Variants in SBF1 observed in about 807,000 individuals in gnomAD.
SBF1 encodes myotubularin-related protein 5.
Under a neutral mutation model 215.8 loss-of-function variants are expected in SBF1, and 65 were observed. The observed-to-expected ratio is 0.30, with a 90% CI of 0.25 to 0.37. The LOEUF (loss-of-function observed/expected upper bound fraction) is 0.37. Ranked by LOEUF, SBF1 falls within the 10% of genes least tolerant of loss-of-function variation. The pLI, the probability that SBF1 is intolerant of heterozygous loss-of-function variation, is 1.00. For missense variants in SBF1, 2,634 were observed against 2,667.8 expected, an observed-to-expected ratio of 0.99 and a Z score of 0.28; for synonymous variants, 1,410 against 1,122.8, an observed-to-expected ratio of 1.26 and a Z score of -5.11.
chr22:50,466,986 C>T (rs2067791496), intron 5 of SBF1: 1 of 560,220 alleles, frequency 1.8e-6, no homozygotes, highest in Non-Finnish European at 3.2e-6. Flanking sequence ...ACCGCTCCTT[C>T]CTCAACAGAG....
rs781568455 is a variant in SBF1, at chr22:50,463,345, G to C, written c.1837C>G (p.Arg613Gly). The change falls in exon 16 of 41, where the codon CGT becomes GGT. Residue 613 changes from arginine (R) to glycine (G), a missense_variant. Physicochemically the swap from Arg to Gly is moderately radical, Grantham distance 125 (BLOSUM62 -2). Coordinates refer to ENST00000380817, the MANE Select transcript of SBF1 (RefSeq NM_002972.4). The stretch of plus-strand genomic sequence containing the variant: ...AACTGCTGGTGGTCCAGGACCGCAC[G>C]GTTCTGCTGCACATGCAGGTGCAGC... ...QELHLHVQQNRAVLDHQQFDF... is the reference protein window; with the variant it reads ...QELHLHVQQNGAVLDHQQFDF... 2 of 1,611,904 alleles carry C rather than the reference G, an allele frequency of 1.2e-6. No homozygotes were observed. The highest frequency in any genetic ancestry group is 4.5e-5 in the East Asian group (2 of 44,826).
intron 18 of SBF1, 24 bp from the exon 19 acceptor site, chr22:50,462,497 G>T: frequency 6.2e-7 from 1 of 1,612,308 alleles, no homozygotes; most frequent in Non-Finnish European, 8.5e-7. Context: ...ACACGCATGA[G>T]CCGGGGCCAC....
At chr22:50,451,900 G>A (rs1234121525) in intron 36 of SBF1, among the ~76,000 whole-genome samples, 3 of 151,322 alleles carry the variant, frequency 2.0e-5, no homozygotes, top group East Asian at 1.9e-4. Flanking sequence ...GGGTTGAAGC[G>A]ATTCTCCTGC....
Position 50,463,443 on chromosome 22 carries a change from G to T in SBF1, c.1750-11C>A, listed in dbSNP as rs780685125. ...CACGGCTGGGAGCAGCTGGGGGTGG[G>T]GAAAGGAGACACGGGCTGAGGGCAC... On this transcript the variant is annotated splice_polypyrimidine_tract_variant and intron_variant, in intron 15 of 40. Transcript: ENST00000380817. The T allele has an allele frequency of 6.4e-7, 1 of 1,558,602 alleles. No individual in the cohort carries two copies. Among genetic ancestry groups the T allele is most frequent in the South Asian group, 1.2e-5 (1 of 85,606 alleles).
In SBF1 at chr22:50,468,416, T is replaced by C. The variant is rs1244507506; in HGVS notation, c.101A>G (p.Lys34Arg). Reference sequence around the variant, plus strand: ...GGGGAATGGGTTGTCCTCCCAGTCCTTCTCTGGGAAGCGCTGCAGAATCTG... The same window carrying C: ...GGGGAATGGGTTGTCCTCCCAGTCCCTCTCTGGGAAGCGCTGCAGAATCTG... The part of the protein sequence containing the change: ...QGQILQRFPE[K>R]DWEDNPFPQG... The change falls in exon 2 of 41, where the codon AAG (lysine) becomes AGG (arginine). Residue 34 changes from lysine to arginine, a missense_variant. Coordinates refer to ENST00000380817, the MANE Select transcript of SBF1 (RefSeq NM_002972.4). 6 of 1,612,634 alleles carry C rather than the reference T, an allele frequency of 3.7e-6. No individual in the cohort carries two copies. Among genetic ancestry groups the C allele is most frequent in the Non-Finnish European group, 5.1e-6 (6 of 1,179,254 alleles).
chr22:50,456,679 AAGG>A lies in SBF1; in HGVS notation c.3905-9_3905-7del, dbSNP rs1367772660. On this transcript the variant is annotated splice_polypyrimidine_tract_variant and splice_region_variant and intron_variant, in intron 29 of 40. Transcript: ENST00000380817. Reference sequence around the variant, plus strand: ...CCGGACACTGCCCCACTTACCTGTGAAGGAGATGCCAGGTAAGCACCCAAAGGG... The same window carrying A: ...CCGGACACTGCCCCACTTACCTGTGAAGATGCCAGGTAAGCACCCAAAGGG... 16 of 1,465,868 alleles carry A rather than the reference AAGG, an allele frequency of 1.1e-5. No homozygotes were observed. The highest frequency in any genetic ancestry group is 1.4e-5 in the Non-Finnish European group (16 of 1,106,766). 90.8% of individuals were successfully genotyped at this position (1,465,868 alleles called of 1,614,324 possible).
chr22:50,463,502 G>A, intron 15 of SBF1, 70 bp from the exon 16 acceptor site: 1 of 1,461,256 alleles, frequency 6.8e-7, no homozygotes, highest in African/African-American at 1.4e-5. Flanking sequence ...GGCAGGGAGG[G>A]CAGCAGGTGT....
intron 1 of SBF1, among the ~76,000 whole-genome samples, chr22:50,474,312 G>GCCA (rs1569515198): frequency 1.3e-5 from 2 of 152,148 alleles, no homozygotes; most frequent in Non-Finnish European, 2.9e-5. Flanking sequence ...CAAGACCGCC[G>GCCA]GGGGCTTCAG....
chr22:50,453,601 CA>C (rs2067131466), intron 36 of SBF1, among the ~76,000 whole-genome samples: 1 of 152,170 alleles, frequency 6.6e-6, no homozygotes, highest in Non-Finnish European at 1.5e-5. Context: ...TCCTGGCTAA[CA>C]CGGTAAAACC....
At position 50,467,870 on chromosome 22, in the gene SBF1, G is replaced by A. The variant is rs9616851; in HGVS notation, c.195C>T (p.Phe65=). ...QLCPERNPPT[F]FVAVLTDINS... Reference sequence around the variant, plus strand: ...TGATGTCGGTGAGGACAGCAACAAAGAAGGTCGGTGGATTCCTCTCGGGAC... The same window carrying A: ...TGATGTCGGTGAGGACAGCAACAAAAAAGGTCGGTGGATTCCTCTCGGGAC... Residue 65 remains phenylalanine (F), a synonymous_variant, in exon 3 of 41, where the codon TTC becomes TTT. Transcript: ENST00000380817. 60 of 1,613,950 alleles carry A rather than the reference G, an allele frequency of 3.7e-5. No individual in the cohort carries two copies. The highest frequency in any genetic ancestry group is 4.7e-5 in the Non-Finnish European group (56 of 1,179,996).
chr22:50,453,989 G>A (rs1358009179), intron 36 of SBF1, among the ~76,000 whole-genome samples: 4 of 151,988 alleles, frequency 2.6e-5, no homozygotes, highest in Non-Finnish European at 4.4e-5. Context: ...CCACCCAATC[G>A]CAGTCTCCTT....
chr22:50,456,630 A>G lies in SBF1; in HGVS notation c.3948T>C (p.Leu1316=). ...CTAGCCGGGAGCCCACATCGGTGCC[A>G]AGGCCACTGCTGCGTCCACTGGTCC... is the stretch of plus-strand genomic sequence containing the variant. The part of the protein sequence containing the change: ...SVRTSGRSSG[L]GTDVGSRLAG... Residue 1316 remains leucine (L), a synonymous_variant, in exon 30 of 41, where the codon CTT becomes CTC. Coordinates refer to ENST00000380817, the MANE Select transcript of SBF1 (RefSeq NM_002972.4). The G allele has an allele frequency of 6.6e-7, 1 of 1,513,852 alleles. No homozygotes were observed. The highest frequency in any genetic ancestry group is 8.8e-7 in the Non-Finnish European group (1 of 1,132,800). The allele number at this position is 1,513,852 out of a possible 1,614,324, so 93.8% of individuals were successfully genotyped here. A position where few individuals can be genotyped will look rare whatever the true frequency, so the allele number is the denominator to read the frequency against.
chr22:50,471,980 G>A (rs112344062), intron 1 of SBF1, among the ~76,000 whole-genome samples: 18,410 of 152,250 alleles, frequency 0.12, 1,316 homozygotes, highest in East Asian at 0.28. Flanking sequence ...ATGGAAGGCC[G>A]ATGGCCAGGT....
intron 1 of SBF1, among the ~76,000 whole-genome samples, chr22:50,470,640 G>A (rs555839724): frequency 6.1e-4 from 93 of 152,226 alleles, no homozygotes; most frequent in Middle Eastern, 3.4e-3. Context: ...CCCTAGGACC[G>A]ACCTCCCTCC....
At chr22:50,465,583 T>C (rs936955709) in intron 10 of SBF1, among the ~76,000 whole-genome samples, 180 bp downstream of exon 10, 1 of 152,238 alleles carries the variant, frequency 6.6e-6, no homozygotes, top group African/African-American at 2.4e-5. Flanking sequence ...CCGCCTCGCC[T>C]GCACCACTCA....
At chr22:50,460,751 C>T (rs1395461064) in intron 23 of SBF1, 39 bp from the exon 24 acceptor site, 1 of 1,588,334 alleles carries the variant, frequency 6.3e-7, no homozygotes, top group African/African-American at 1.3e-5. Flanking sequence ...TGTGGGTGGC[C>T]CCCCAGCCCC....
rs534889802 is a variant in SBF1, at chr22:50,455,257, G to A, written c.4521C>T (p.Pro1507=). The change falls in exon 33 of 41, where the codon CCC becomes CCT. Residue 1507 remains proline, a synonymous_variant. Transcript: ENST00000380817. ...CGCAGTCCAGGAACTGCAGGAAGAC[G>A]GGTGTGAAGCCGCTGCTCTGCCCGG... ...TLAGQSSGFT[P]VFLQFLDCVH... The A allele has an allele frequency of 1.7e-4, 268 of 1,613,208 alleles. 2 individuals are homozygous for A. In the Admixed American group the frequency reaches 2.9e-3, roughly 17 times the overall value.
chr22:50,474,799 C>T lies in SBF1; in HGVS notation c.42G>A (p.Gly14=), dbSNP rs763539016. The T allele has an allele frequency of 1.3e-4, 188 of 1,459,716 alleles. 1 individual carries two copies. In the Middle Eastern group the frequency reaches 2.7e-3, roughly 21 times the overall value. The allele number at this position is 1,459,716 out of a possible 1,614,324, so 90.4% of individuals were successfully genotyped here. The change falls in exon 1 of 41, where the codon GGG becomes GGA. Residue 14 remains glycine, a synonymous_variant. Transcript: ENST00000380817. Reference sequence around the variant, plus strand: ...CTCGGCACTCACCGCGCGGGTGCGGCCCGAACGCCACCAGCACGAAGTAGT... The same window carrying T: ...CTCGGCACTCACCGCGCGGGTGCGGTCCGAACGCCACCAGCACGAAGTAGT... ...LADYFVLVAF[G]PHPRGSGEGQ...
chr22:50,468,394 G>A lies in SBF1; in HGVS notation c.123C>T (p.Phe41=). Residue 41 remains phenylalanine, a synonymous_variant, in exon 2 of 41, where the codon TTC becomes TTT. Transcript: ENST00000380817. Reference sequence around the variant, plus strand: ...AACTCACCAGCTCGATGCCCTGGGGGAATGGGTTGTCCTCCCAGTCCTTCT... The same window carrying A: ...AACTCACCAGCTCGATGCCCTGGGGAAATGGGTTGTCCTCCCAGTCCTTCT... ...FPEKDWEDNP[F]PQGIELFCQP... is the part of the protein sequence containing the mutation. 6.2e-7 allele frequency: 1 copy of A among 1,613,024 alleles called. No homozygotes were observed. The highest frequency in any genetic ancestry group is 8.5e-7 in the Non-Finnish European group (1 of 1,179,512).
Sources: allele counts gnomAD v4.1 joint callset (sites outside exome capture counted in the v4.1 genomes callset), GRCh38; gene constraint gnomAD v4.1.1; transcripts MANE v1.5; gene names NCBI Gene and HGNC (gene_info 2026-07-23, HGNC 2026-07-21).